The following CDK14 variants were observed in gnomAD, a reference collection of about 807,000 sequenced individuals.
CDK14 encodes the protein cyclin-dependent kinase 14.
A neutral mutation model predicts 60.7 loss-of-function variants in CDK14; 34 were observed. That is an observed-to-expected ratio of 0.56 (90% CI 0.43 to 0.75). The LOEUF is 0.75. CDK14 is among the 30% of genes least tolerant of loss of function. The pLI, the probability that CDK14 is intolerant of heterozygous loss-of-function variation, is 0.00. For missense variants in CDK14, 482 were observed against 564.1 expected (o/e 0.85, Z 1.47); for synonymous variants, 197 against 203.7 (o/e 0.97, Z 0.28).
chr7:91,090,897 A>C (rs1481724376), intron 12 of CDK14, among the ~76,000 whole-genome samples: 1 of 151,996 alleles, frequency 6.6e-6, no homozygotes, highest in Non-Finnish European at 1.5e-5. Context: ...GTTTGTATCT[A>C]GTGTTCCTAA....
At position 90,992,116 on chromosome 7, in the gene CDK14, G is replaced by A. The variant is rs929131393; in HGVS notation, c.1041+7875G>A. On this transcript the variant is annotated intron_variant, in intron 10 of 14. Coordinates refer to ENST00000380050, the MANE Select transcript of CDK14 (RefSeq NM_001287135.2). ...TAAAGAAAGTTCTATGCTTCTAAGC[G>A]AATGGAAATGTTGGTAGCAAACTCC... Among the ~76,000 whole-genome samples, 6 of 152,280 alleles carry A rather than the reference G, an allele frequency of 3.9e-5. No homozygotes were observed. The South Asian group carries it at 6.2e-4, about 16-fold the overall frequency.
chr7:91,000,600 A>G (rs1795810817), intron 10 of CDK14, among the ~76,000 whole-genome samples: 1 of 152,232 alleles, frequency 6.6e-6, no homozygotes, highest in African/African-American at 2.4e-5. Context: ...TTCCCTCCAC[A>G]TAACCCAGGC....
At chr7:90,711,032 A>C (rs556781637) in intron 2 of CDK14, among the ~76,000 whole-genome samples, 1 of 152,094 alleles carries the variant, frequency 6.6e-6, no homozygotes, top group Non-Finnish European at 1.5e-5. Context: ...CCACTTGTGT[A>C]TAGTTTAATT....
In CDK14 at chr7:91,044,357, G is replaced by A. The variant is rs764389275; in HGVS notation, c.1042-1540G>A. ...AAAGGAATGTCTGGGTTACCAAAAG[G>A]GGTTACCAAAAGGGTGGAGACCAAG... On this transcript the variant is annotated intron_variant, in intron 10 of 14. Transcript: ENST00000380050. 2.2e-4 allele frequency among the ~76,000 whole-genome samples: 34 copies of A among 152,294 alleles called. No homozygotes were observed. The Middle Eastern group carries it at 0.014, about 61-fold the overall frequency.
intron 2 of CDK14, among the ~76,000 whole-genome samples, chr7:90,683,156 A>G (rs1011633256): frequency 6.6e-6 from 1 of 152,334 alleles, no homozygotes; most frequent in South Asian, 2.1e-4. Flanking sequence ...TGGTTACAAA[A>G]TGATGACATT....
In CDK14 at chr7:90,827,459, A is replaced by G. The variant is rs781545457; in HGVS notation, c.545-35716A>G. On this transcript the variant is annotated intron_variant, in intron 5 of 14. Transcript: ENST00000380050. ...GGACATACATTTTCAACTCATTTGA[A>G]TACTTAATTTCCATTTACCTAGCAT... Among the ~76,000 whole-genome samples, 24 of 152,346 alleles carry G rather than the reference A, an allele frequency of 1.6e-4. No individual in the cohort carries two copies. The Middle Eastern group carries it at 0.014, about 86-fold the overall frequency.
intron 5 of CDK14, among the ~76,000 whole-genome samples, chr7:90,829,124 C>T (rs1584020381): frequency 6.6e-6 from 1 of 152,212 alleles, no homozygotes. Flanking sequence ...ATCATGAGCA[C>T]AGCATGAGGG....
intron 1 of CDK14, among the ~76,000 whole-genome samples, chr7:90,602,591 G>T (rs1799339005): frequency 6.6e-6 from 1 of 152,190 alleles, no homozygotes; most frequent in Non-Finnish European, 1.5e-5. Flanking sequence ...CAGTCATTAG[G>T]AATTAGCTAG....
intron 2 of CDK14, among the ~76,000 whole-genome samples, chr7:90,657,491 G>T (rs1209940997): frequency 2.0e-5 from 3 of 152,168 alleles, no homozygotes; most frequent in South Asian, 4.1e-4. Context: ...CTGGCATAGT[G>T]TTGGCAGAGA....
chr7:91,010,678 G>A (rs938133941), intron 10 of CDK14, among the ~76,000 whole-genome samples: 5 of 151,586 alleles, frequency 3.3e-5, no homozygotes, highest in Admixed American at 6.6e-5. Context: ...TATCATCTCT[G>A]TGCATAAAGG....
At chr7:90,758,476 G>C (rs1052430872) in intron 4 of CDK14, among the ~76,000 whole-genome samples, 4 of 152,150 alleles carry the variant, frequency 2.6e-5, no homozygotes, top group Non-Finnish European at 4.4e-5. Context: ...ATTTTAAAAT[G>C]TCTTTAATTC....
At chr7:90,987,324 C>T (rs1795401017) in intron 10 of CDK14, among the ~76,000 whole-genome samples, 1 of 151,948 alleles carries the variant, frequency 6.6e-6, no homozygotes, top group East Asian at 1.9e-4. Flanking sequence ...ACTACCATTG[C>T]TCTTGTTAGA....
rs753352680 is a variant in CDK14 at position 90,747,734 on chromosome 7, A to G, written c.423A>G (p.Leu141=). ...ACTCATATGAAAAGCTGGAAAAACTAGGGGAAGGATCTTATGCTACAGTAT... is the reference window on the plus strand; with the variant it reads ...ACTCATATGAAAAGCTGGAAAAACTGGGGGAAGGATCTTATGCTACAGTAT... ...KADSYEKLEK[L]GEGSYATVYK... The change falls in exon 4 of 15, where the codon CTA becomes CTG. Residue 141 remains leucine (L), a synonymous_variant. Transcript: ENST00000380050. The G allele has an allele frequency of 1.9e-6, 3 of 1,597,772 alleles. No homozygotes were observed. Among genetic ancestry groups the G allele is most frequent in the South Asian group, 2.3e-5 (2 of 86,886 alleles).
intron 6 of CDK14, among the ~76,000 whole-genome samples, chr7:90,879,757 T>C (rs1487750601): frequency 1.3e-5 from 2 of 150,108 alleles, no homozygotes; most frequent in Non-Finnish European, 3.0e-5. Context: ...AAAAAATAAA[T>C]AAATAAAAGT....
intron 8 of CDK14, among the ~76,000 whole-genome samples, chr7:90,927,351 T>C (rs1793449900): frequency 6.6e-6 from 1 of 152,158 alleles, no homozygotes; most frequent in African/African-American, 2.4e-5. Context: ...TCCAAGGGTC[T>C]TAGGAGCTCT....
At chr7:91,061,508 G>GT in intron 11 of CDK14, among the ~76,000 whole-genome samples, 1 of 152,272 alleles carries the variant, frequency 6.6e-6, no homozygotes, top group African/African-American at 2.4e-5. Context: ...TTTCTGCTCT[G>GT]TTTTTTCCCC....
intron 12 of CDK14, among the ~76,000 whole-genome samples, chr7:91,108,109 A>G: frequency 6.6e-6 from 1 of 152,180 alleles, no homozygotes; most frequent in East Asian, 1.9e-4. Context: ...GGAGTTCAAG[A>G]CCAACCTGGC....
intron 5 of CDK14, among the ~76,000 whole-genome samples, chr7:90,812,607 T>TA: frequency 6.6e-6 from 1 of 152,078 alleles, no homozygotes; most frequent in South Asian, 2.1e-4. Flanking sequence ...CCCCAAAACT[T>TA]AAAGTATAAT....
At chr7:91,014,865 G>A (rs1350717134) in intron 10 of CDK14, among the ~76,000 whole-genome samples, 2 of 152,106 alleles carry the variant, frequency 1.3e-5, no homozygotes, top group Non-Finnish European at 2.9e-5. Context: ...TGGTTGACTG[G>A]GGCAAGGGCC....
Sources: gnomAD v4.1 joint callset for allele counts (sites outside exome capture counted in the v4.1 genomes callset) on GRCh38, gnomAD v4.1.1 for gene constraint, MANE v1.5 for transcripts, NCBI Gene and HGNC (gene_info 2026-07-23, HGNC 2026-07-21) for gene names.